The following KCNMA1 variants were observed in gnomAD, a reference collection of about 807,000 sequenced individuals.
KCNMA1 encodes the protein potassium calcium-activated channel subfamily M alpha 1, also known as Calcium-activated potassium channel subunit alpha-1.
Under a neutral mutation model 140.0 loss-of-function variants are expected in KCNMA1, and 29 were observed. The observed-to-expected ratio is 0.21, with a 90% CI of 0.15 to 0.28. The LOEUF is 0.28. KCNMA1 is among the 10% of genes least tolerant of loss of function. The pLI, the probability that KCNMA1 is intolerant of heterozygous loss-of-function variation, is 1.00. For synonymous variants in KCNMA1, 612 were observed against 611.9 expected, an observed-to-expected ratio of 1.00 and a Z score of 0.00; for missense variants, 880 against 1,602.2, an observed-to-expected ratio of 0.55 and a Z score of 7.70.
chr10:77,441,691 T>C (rs550539715), intron 1 of KCNMA1, among the ~76,000 whole-genome samples: 1 of 152,144 alleles, frequency 6.6e-6, no homozygotes, highest in East Asian at 1.9e-4. Flanking sequence ...CTCTCTCCCC[T>C]CTCTTCCCTC....
chr10:76,956,022 C>T (rs2068130456), intron 20 of KCNMA1, among the ~76,000 whole-genome samples: 1 of 152,122 alleles, frequency 6.6e-6, no homozygotes, highest in South Asian at 2.1e-4. Flanking sequence ...TTAAAAGATA[C>T]TCAGAACTAT....
chr10:77,420,407 C>T (rs562270888), intron 1 of KCNMA1, among the ~76,000 whole-genome samples: 71 of 152,360 alleles, frequency 4.7e-4, no homozygotes, highest in African/African-American at 1.6e-3. Context: ...AAAGCCTAAA[C>T]GCTGCCTCTG....
chr10:77,382,984 GTGTGTGTGTGTATA>G lies in KCNMA1; in HGVS notation c.540+20864_540+20877del, dbSNP rs1490680376. On this transcript the variant is annotated intron_variant, in intron 2 of 27. Transcript: ENST00000286628. ...CGTGTGTGTGTGTGTGTGTGTGTGT[GTGTGTGTGTGTATA>G]TATATATATATATATATATATATAT... 3.6e-4 allele frequency among the ~76,000 whole-genome samples: 32 copies of G among 89,588 alleles called. 1 individual carries two copies. The highest frequency in any genetic ancestry group is 1.9e-3 in the African/African-American group (25 of 13,472). 58.8% of individuals were successfully genotyped at this position (89,588 alleles called of 152,430 possible).
At chr10:77,433,351 C>T (rs541802966) in intron 1 of KCNMA1, among the ~76,000 whole-genome samples, 62 of 152,256 alleles carry the variant, frequency 4.1e-4, no homozygotes, top group Non-Finnish European at 7.2e-4. Flanking sequence ...CAGGGTTTCA[C>T]CATGTTGGTC....
chr10:77,320,093 G>A (rs1457037548), intron 2 of KCNMA1, among the ~76,000 whole-genome samples: 2 of 152,152 alleles, frequency 1.3e-5, no homozygotes, highest in Non-Finnish European at 2.9e-5. Flanking sequence ...CTCTGTGGAT[G>A]GAAAGTTATG....
Position 76,953,804 on chromosome 10 carries a change from G to C in KCNMA1, c.2481C>G (p.Ile827Met), listed in dbSNP as rs760789370. The change falls in exon 21 of 28, where the codon ATC (isoleucine) becomes ATG (methionine). Residue 827 changes from isoleucine (I) to methionine (M), a missense_variant. Physicochemically the swap from Ile to Met is conservative, Grantham distance 10. Coordinates refer to ENST00000286628, the MANE Select transcript of KCNMA1 (RefSeq NM_001161352.2). ...AGATGCACAGTCCCTCACTCACCAG[G>C]ATGACTTTCTCTATCTCCTTGGGTG... ...WCAPKEIEKVILTRSEAAMTV... is the reference protein window; with the variant it reads ...WCAPKEIEKVMLTRSEAAMTV... 8 of 1,613,978 alleles carry C rather than the reference G, an allele frequency of 5.0e-6. No individual in the cohort carries two copies. The Admixed American group carries it at 6.7e-5, about 13-fold the overall frequency.
Position 77,582,120 on chromosome 10 carries a change from C to T in KCNMA1, c.378+55145G>A, listed in dbSNP as rs547866889. On this transcript the variant is annotated intron_variant, in intron 1 of 27. Coordinates refer to ENST00000286628, the MANE Select transcript of KCNMA1 (RefSeq NM_001161352.2). ...AGATCAAATGCAATGCATCTCAACC[C>T]AGACCCACCAGGGCAAAAGCAGAAT... Among the ~76,000 whole-genome samples, 119 of 152,336 alleles carry T rather than the reference C, an allele frequency of 7.8e-4. 1 individual carries two copies. The highest frequency in any genetic ancestry group is 2.8e-3 in the African/African-American group (115 of 41,584).
chr10:77,588,623 A>C (rs1251405612), intron 1 of KCNMA1, among the ~76,000 whole-genome samples: 1 of 152,200 alleles, frequency 6.6e-6, no homozygotes, highest in Non-Finnish European at 1.5e-5. Flanking sequence ...AGCTGGGCCC[A>C]AGGTTCTAGT....
chr10:77,389,923 G>A (rs1292616073), intron 2 of KCNMA1, among the ~76,000 whole-genome samples: 1 of 152,174 alleles, frequency 6.6e-6, no homozygotes, highest in Non-Finnish European at 1.5e-5. Flanking sequence ...CAAAACCATG[G>A]GAGAGCCATG....
At chr10:77,002,927 C>T (rs1279843359) in intron 18 of KCNMA1, among the ~76,000 whole-genome samples, 7 of 152,130 alleles carry the variant, frequency 4.6e-5, no homozygotes, top group Non-Finnish European at 5.9e-5. Flanking sequence ...AAAGTCATTT[C>T]CCCCACTCTT....
intron 1 of KCNMA1, among the ~76,000 whole-genome samples, chr10:77,595,346 CAAAAAAAAAAAAAAAAA>C (rs138290466): frequency 1.7e-5 from 1 of 58,214 alleles, no homozygotes; most frequent in Non-Finnish European, 3.0e-5. Context: ...GACTCTGTCT[CAAAAAAAAAAAAAAAAA>C]AAAAAAAAGG....
At chr10:77,079,826 C>A (rs1248510380) in intron 12 of KCNMA1, 1 of 503,394 alleles carries the variant, frequency 2.0e-6, no homozygotes, top group Non-Finnish European at 3.6e-6. Context: ...AACCTCTAGG[C>A]CCTAGAACAT....
intron 15 of KCNMA1, among the ~76,000 whole-genome samples, chr10:77,036,033 A>G (rs2094306071): frequency 6.6e-6 from 1 of 152,236 alleles, no homozygotes; most frequent in Non-Finnish European, 1.5e-5. Context: ...GATGGGCACA[A>G]TCTAATCAGC....
At chr10:77,629,189 T>C (rs1010788300) in intron 1 of KCNMA1, among the ~76,000 whole-genome samples, 1 of 152,202 alleles carries the variant, frequency 6.6e-6, no homozygotes, top group African/African-American at 2.4e-5. Flanking sequence ...AAATTGGCAA[T>C]TAGACACAAT....
chr10:77,408,745 G>C (rs2096552855), intron 1 of KCNMA1, among the ~76,000 whole-genome samples: 1 of 152,218 alleles, frequency 6.6e-6, no homozygotes, highest in Non-Finnish European at 1.5e-5. Flanking sequence ...ATCTCAGAAA[G>C]AGGAGGTCCT....
chr10:77,636,369 C>T (rs547311229), intron 1 of KCNMA1: 1 of 1,533,600 alleles, frequency 6.5e-7, no homozygotes, highest in East Asian at 2.4e-5. Flanking sequence ...TGCCGGTGGG[C>T]GTCTGCACCA....
At chr10:77,112,865 A>G (rs1209226535) in intron 6 of KCNMA1, among the ~76,000 whole-genome samples, 1 of 151,386 alleles carries the variant, frequency 6.6e-6, no homozygotes, top group East Asian at 1.9e-4. Context: ...TATATTTGCT[A>G]AACCATTTAC....
At chr10:77,506,431 A>G (rs755763818) in intron 1 of KCNMA1, among the ~76,000 whole-genome samples, 9 of 152,158 alleles carry the variant, frequency 5.9e-5, no homozygotes, top group Non-Finnish European at 1.2e-4. Context: ...TTAGAGAGAA[A>G]CCAAGAACAC....
At chr10:77,066,003 C>G (rs552239491) in intron 14 of KCNMA1, among the ~76,000 whole-genome samples, 16 of 152,152 alleles carry the variant, frequency 1.1e-4, no homozygotes, top group Non-Finnish European at 2.2e-4. Flanking sequence ...GGAGAACACT[C>G]AGGACTTAAG....
Sources: gnomAD v4.1 joint callset for allele counts (sites outside exome capture counted in the v4.1 genomes callset) on GRCh38, gnomAD v4.1.1 for gene constraint, MANE v1.5 for transcripts, NCBI Gene and HGNC (gene_info 2026-07-23, HGNC 2026-07-21) for gene names.